CNIH3: variants seen among roughly 807,000 people sequenced by gnomAD.
The protein encoded by CNIH3 is cornichon family AMPA receptor auxiliary protein 3.
CNIH3 carries 14 observed loss-of-function variants against 24.1 expected under a neutral mutation model. The ratio of observed to expected loss-of-function variants is 0.58; its 90% CI spans 0.38 to 0.91. The LOEUF (loss-of-function observed/expected upper bound fraction) is 0.91. Among genes scored for constraint, CNIH3 ranks in the 40% least tolerant of loss-of-function variants. CNIH3 has a pLI of 0.00. For synonymous variants in CNIH3, 68 were observed against 73.8 expected, an observed-to-expected ratio of 0.92 and a Z score of 0.40; for missense variants, 178 against 196.8, an observed-to-expected ratio of 0.90 and a Z score of 0.57.
chr1:224,559,463 C>G (rs1340518684), intron 3 of CNIH3, among the ~76,000 whole-genome samples: 1 of 152,094 alleles, frequency 6.6e-6, no homozygotes, highest in Non-Finnish European at 1.5e-5. Context: ...CTCATGGGCT[C>G]GAGGGATCCT....
intron 4 of CNIH3, among the ~76,000 whole-genome samples, chr1:224,566,862 A>G (rs1370719421): frequency 2.0e-5 from 3 of 152,234 alleles, no homozygotes; most frequent in African/African-American, 7.2e-5. Flanking sequence ...AGAATGATAT[A>G]TAATTCTTTG....
chr1:224,648,343 A>G (rs904125772), intron 1 of CNIH3, among the ~76,000 whole-genome samples: 1 of 151,232 alleles, frequency 6.6e-6, no homozygotes, highest in African/African-American at 2.4e-5. Flanking sequence ...CCCAGGAGGC[A>G]GAGGTTGCAG....
chr1:224,603,799 G>A (rs904951420), intron 3 of CNIH3, among the ~76,000 whole-genome samples: 1 of 152,214 alleles, frequency 6.6e-6, no homozygotes, highest in Non-Finnish European at 1.5e-5. Flanking sequence ...ACTCTAGGCT[G>A]TGGTTCCTTA....
intron 2 of CNIH3, among the ~76,000 whole-genome samples, chr1:224,532,430 G>A (rs145770525): frequency 1.3e-3 from 196 of 152,284 alleles, no homozygotes; most frequent in Non-Finnish European, 2.3e-3. Flanking sequence ...TCATAACTGC[G>A]TTAGGAACAG....
chr1:224,460,669 G>A (rs1302143793), intron 1 of CNIH3, among the ~76,000 whole-genome samples: 1 of 152,028 alleles, frequency 6.6e-6, no homozygotes, highest in East Asian at 1.9e-4. Flanking sequence ...CCAATATTTG[G>A]CTATTAAAAT....
intron 2 of CNIH3, among the ~76,000 whole-genome samples, chr1:224,522,435 C>G (rs1479304387): frequency 1.3e-5 from 2 of 152,204 alleles, no homozygotes; most frequent in Non-Finnish European, 2.9e-5. Flanking sequence ...TGACAACCAT[C>G]CTCGGGGTTA....
At chr1:224,689,176 G>A (rs1290883723) in intron 3 of CNIH3, among the ~76,000 whole-genome samples, 1 of 152,092 alleles carries the variant, frequency 6.6e-6, no homozygotes, top group African/African-American at 2.4e-5. Context: ...TCCTGCCTCT[G>A]CCCTTATTAT....
chr1:224,574,648 A>G, intron 4 of CNIH3: 1 of 921,276 alleles, frequency 1.1e-6, no homozygotes, highest in South Asian at 1.3e-5. Context: ...AAGTGTGAGG[A>G]GCTCTTCATC....
intron 3 of CNIH3, among the ~76,000 whole-genome samples, chr1:224,610,003 T>C (rs1682609014): frequency 1.3e-5 from 2 of 152,236 alleles, no homozygotes; most frequent in African/African-American, 4.8e-5. Context: ...TCAATAGATA[T>C]TACATTTCAA....
At chr1:224,436,596 G>A (rs1477385606) in intron 1 of CNIH3, among the ~76,000 whole-genome samples, 1 of 152,130 alleles carries the variant, frequency 6.6e-6, no homozygotes, top group African/African-American at 2.4e-5. Context: ...AACACTGCTC[G>A]TGTTAGAATT....
chr1:224,714,233 A>G (rs148260558), intron 3 of CNIH3, among the ~76,000 whole-genome samples: 269 of 152,330 alleles, frequency 1.8e-3, no homozygotes, highest in African/African-American at 6.0e-3. Flanking sequence ...AAGGTCCCAG[A>G]CAAGATGACA....
intron 3 of CNIH3, among the ~76,000 whole-genome samples, chr1:224,691,564 A>G (rs1395432867): frequency 6.6e-6 from 1 of 152,240 alleles, no homozygotes; most frequent in African/African-American, 2.4e-5. Context: ...CTGTATCTCA[A>G]GGCCAAGCCT....
intron 1 of CNIH3, among the ~76,000 whole-genome samples, chr1:224,489,450 C>T (rs1225968818): frequency 6.6e-6 from 1 of 152,108 alleles, no homozygotes; most frequent in Non-Finnish European, 1.5e-5. Flanking sequence ...TTTAGCTGCC[C>T]TGCATAGTGC....
chr1:224,732,448 A>G (rs185328694), intron 4 of CNIH3, among the ~76,000 whole-genome samples: 1 of 152,346 alleles, frequency 6.6e-6, no homozygotes, highest in African/African-American at 2.4e-5. Context: ...TAGAAGATCC[A>G]GGATTCACAA....
intron 5 of CNIH3, among the ~76,000 whole-genome samples, chr1:224,737,547 G>A (rs1689657542): frequency 6.6e-6 from 1 of 152,000 alleles, no homozygotes; most frequent in Admixed American, 6.5e-5. Context: ...CTCAGATCCG[G>A]AGCTGGTGGA....
At chr1:224,586,449 C>T (rs1374515638) in intron 5 of CNIH3, among the ~76,000 whole-genome samples, 1 of 152,078 alleles carries the variant, frequency 6.6e-6, no homozygotes, top group African/African-American at 2.4e-5. Flanking sequence ...AAAGACCTGC[C>T]CCCGTGATTC....
intron 1 of CNIH3, among the ~76,000 whole-genome samples, chr1:224,627,715 T>C (rs1234885099): frequency 2.6e-5 from 4 of 152,120 alleles, no homozygotes; most frequent in Admixed American, 6.5e-5. Flanking sequence ...GGGGAGTCAA[T>C]GCGCTGCCAT....
chr1:224,444,988 G>T (rs1675092721), intron 1 of CNIH3, among the ~76,000 whole-genome samples: 1 of 148,016 alleles, frequency 6.8e-6, no homozygotes, highest in Non-Finnish European at 1.5e-5. Context: ...AGTATAATAT[G>T]TAGAAAGGAG....
intron 1 of CNIH3, among the ~76,000 whole-genome samples, chr1:224,490,638 C>CAG (rs1185641154): frequency 2.6e-5 from 4 of 152,194 alleles, no homozygotes; most frequent in Non-Finnish European, 5.9e-5. Context: ...ATCCTTGTTA[C>CAG]AGACTTCAAA....
Sources: allele counts gnomAD v4.1 joint callset (sites outside exome capture counted in the v4.1 genomes callset), GRCh38; gene constraint gnomAD v4.1.1; transcripts MANE v1.5; gene names NCBI Gene and HGNC (gene_info 2026-07-23, HGNC 2026-07-21).